CSMD2: variants seen among roughly 807,000 people sequenced by gnomAD.
CSMD2 encodes CUB and Sushi multiple domains 2.
A neutral mutation model predicts 398.5 loss-of-function variants in CSMD2; 130 were observed. The observed-to-expected ratio is 0.33, with a 90% CI of 0.28 to 0.38. CSMD2 has a LOEUF of 0.38. Ranked by LOEUF, CSMD2 falls within the 10% of genes least tolerant of loss-of-function variation. CSMD2 has a pLI of 1.00. For missense variants in CSMD2, 3,829 were observed against 4,764.9 expected (o/e 0.80, Z 5.78); for synonymous variants, 1,828 against 1,908.5 (o/e 0.96, Z 1.10).
chr1:33,762,935 T>C (rs1308896788), intron 13 of CSMD2, among the ~76,000 whole-genome samples: 1 of 152,152 alleles, frequency 6.6e-6, no homozygotes, highest in East Asian at 1.9e-4. Context: ...AGTTGTAATG[T>C]GGGAGTACTG....
intron 25 of CSMD2, among the ~76,000 whole-genome samples, chr1:33,686,680 TG>T (rs1013989393): frequency 1.3e-5 from 2 of 152,166 alleles, no homozygotes; most frequent in African/African-American, 4.8e-5. Context: ...CAGATCCCTC[TG>T]GTCACCCTCA....
chr1:34,029,315 T>A (rs1650113694), intron 3 of CSMD2, among the ~76,000 whole-genome samples: 2 of 151,978 alleles, frequency 1.3e-5, no homozygotes, highest in South Asian at 2.1e-4. Flanking sequence ...CTAGTGAATC[T>A]CCCCTCCTCC....
intron 55 of CSMD2, among the ~76,000 whole-genome samples, chr1:33,552,329 T>G (rs1248875553): frequency 6.6e-6 from 1 of 152,206 alleles, no homozygotes; most frequent in Non-Finnish European, 1.5e-5. Flanking sequence ...GTGCAACCAC[T>G]TTGGAAAACA....
At chr1:33,921,382 A>C (rs1336312608) in intron 4 of CSMD2, among the ~76,000 whole-genome samples, 3 of 132,788 alleles carry the variant, frequency 2.3e-5, no homozygotes, top group African/African-American at 1.3e-4. Context: ...CACCATGAAC[A>C]TTACCAGGGA....
chr1:33,780,255 C>T (rs999914692), intron 12 of CSMD2, among the ~76,000 whole-genome samples: 3 of 152,134 alleles, frequency 2.0e-5, no homozygotes, highest in Middle Eastern at 3.2e-3. Flanking sequence ...AGGACATCTT[C>T]GGTGCATTAG....
chr1:34,064,866 G>A (rs1200749475), intron 2 of CSMD2, among the ~76,000 whole-genome samples: 5 of 152,106 alleles, frequency 3.3e-5, no homozygotes, highest in African/African-American at 7.2e-5. Flanking sequence ...GGCAGGAGGC[G>A]AAAGGCACTT....
intron 15 of CSMD2, among the ~76,000 whole-genome samples, chr1:33,738,862 C>T (rs1646965840): frequency 6.6e-6 from 1 of 152,148 alleles, no homozygotes; most frequent in African/African-American, 2.4e-5. Flanking sequence ...GGCTGTGATA[C>T]CGAAGAGAGT....
In CSMD2 at chr1:34,082,562, G is replaced by A. The variant is rs546173025; in HGVS notation, c.404+6415C>T. Among the ~76,000 whole-genome samples the A allele has an allele frequency of 9.2e-5, 14 of 152,332 alleles. No homozygotes were observed. The East Asian group carries it at 9.7e-4, about 11-fold the overall frequency. On this transcript the variant is annotated intron_variant, in intron 2 of 70. Coordinates refer to ENST00000373381, the MANE Select transcript of CSMD2 (RefSeq NM_001281956.2). ...GGCCCCTCTGCCCGTCCACCACCCC[G>A]TCTGGGAGGTGTACCCAACAGCTCA...
chr1:34,086,574 C>T (rs80039431), intron 2 of CSMD2, among the ~76,000 whole-genome samples: 4,417 of 152,252 alleles, frequency 0.029, 233 homozygotes, highest in African/African-American at 0.1. Flanking sequence ...TCCTCATCTC[C>T]TTTCTCCCAT....
At chr1:34,022,981 A>AC (rs755280145) in intron 3 of CSMD2, among the ~76,000 whole-genome samples, 1 of 152,066 alleles carries the variant, frequency 6.6e-6, no homozygotes, top group Non-Finnish European at 1.5e-5. Flanking sequence ...ACGGGTACAT[A>AC]CCACCATGCC....
At chr1:33,717,111 C>A (rs1434182448) in intron 19 of CSMD2, among the ~76,000 whole-genome samples, 1 of 151,858 alleles carries the variant, frequency 6.6e-6, no homozygotes, top group Non-Finnish European at 1.5e-5. Context: ...GGCAGGAGAC[C>A]CATATGTGTA....
chr1:34,123,268 T>A (rs1662382418), intron 1 of CSMD2, among the ~76,000 whole-genome samples: 1 of 152,160 alleles, frequency 6.6e-6, no homozygotes, highest in South Asian at 2.1e-4. Context: ...CATGCCTACG[T>A]AATGAAGCTT....
intron 14 of CSMD2, among the ~76,000 whole-genome samples, 197 bp downstream of exon 14, chr1:33,743,083 A>G (rs990314460): frequency 5.9e-5 from 9 of 152,174 alleles, no homozygotes; most frequent in Non-Finnish European, 1.0e-4. Context: ...TCCAGAAAAG[A>G]GCACCCTGCC....
At chr1:34,033,978 C>A (rs1650789280) in intron 2 of CSMD2, among the ~76,000 whole-genome samples, 1 of 152,096 alleles carries the variant, frequency 6.6e-6, no homozygotes, top group African/African-American at 2.4e-5. Flanking sequence ...ATGCAGCAGG[C>A]AACCAAATAA....
intron 33 of CSMD2, among the ~76,000 whole-genome samples, chr1:33,625,991 T>C (rs12023541): frequency 0.24 from 36,736 of 152,198 alleles, 7,434 homozygotes; most frequent in African/African-American, 0.55. Flanking sequence ...TGAGGCATTG[T>C]GATTGCCCGC....
At chr1:33,599,698 A>G (rs1344583526) in intron 44 of CSMD2, 2 of 155,320 alleles carry the variant, frequency 1.3e-5, no homozygotes, top group African/African-American at 4.8e-5. Flanking sequence ...GGTGTGCCCA[A>G]TGAGAGGGGC....
intron 12 of CSMD2, among the ~76,000 whole-genome samples, chr1:33,785,617 T>C (rs563441387): frequency 8.5e-5 from 13 of 152,184 alleles, no homozygotes; most frequent in Non-Finnish European, 1.9e-4. Flanking sequence ...AAAGAAGGCT[T>C]ACAAAGAGCA....
chr1:33,970,301 C>T lies in CSMD2; in HGVS notation c.518-34347G>A, dbSNP rs1406548156. ...CACCAGACCTCTAGGCAATAGCAGGCCCCATGTGGTGATGGTGCCCAAGAC... is the reference window on the plus strand; with the variant it reads ...CACCAGACCTCTAGGCAATAGCAGGTCCCATGTGGTGATGGTGCCCAAGAC... On this transcript the variant is annotated intron_variant, in intron 3 of 70. Transcript: ENST00000373381. Among the ~76,000 whole-genome samples, 4 of 152,090 alleles carry T rather than the reference C, an allele frequency of 2.6e-5. No individual in the cohort carries two copies. In the East Asian group the frequency reaches 5.8e-4, roughly 22 times the overall value.
chr1:34,129,493 T>TA (rs1405161327), intron 1 of CSMD2, among the ~76,000 whole-genome samples: 17 of 150,518 alleles, frequency 1.1e-4, no homozygotes, highest in African/African-American at 3.4e-4. Context: ...CTACTAAAAA[T>TA]AAAAAAAAAT....
Sources: allele counts gnomAD v4.1 joint callset (sites outside exome capture counted in the v4.1 genomes callset), GRCh38; gene constraint gnomAD v4.1.1; transcripts MANE v1.5; gene names NCBI Gene and HGNC (gene_info 2026-07-23, HGNC 2026-07-21).